The following UTP25 variants were observed in gnomAD, a reference collection of about 807,000 sequenced individuals.
UTP25 encodes U3 small nucleolar RNA-associated protein 25 homolog.
A neutral mutation model predicts 78.9 loss-of-function variants in UTP25; 50 were observed. The observed-to-expected ratio is 0.63, with a 90% CI of 0.50 to 0.80. The LOEUF is 0.80. UTP25 is among the 30% of genes least tolerant of loss of function. The pLI is 0.00. For missense variants in UTP25, 846 were observed against 911.3 expected, an observed-to-expected ratio of 0.93 and a Z score of 0.92; for synonymous variants, 329 against 336.5, an observed-to-expected ratio of 0.98 and a Z score of 0.24.
At chr1:209,845,607 A>G (rs556749458) in intron 11 of UTP25, among the ~76,000 whole-genome samples, 1 of 152,336 alleles carries the variant, frequency 6.6e-6, no homozygotes, top group South Asian at 2.1e-4. Context: ...AAGTCACGAT[A>G]AGGACAAATC....
At chr1:209,843,297 C>A in intron 10 of UTP25, 154 bp from the exon 11 acceptor site, 1 of 861,236 alleles carries the variant, frequency 1.2e-6, no homozygotes, top group Non-Finnish European at 1.7e-6. Context: ...AAGTTTTATC[C>A]TTACATAATC....
intron 10 of UTP25, 142 bp from the exon 11 acceptor site, chr1:209,843,309 C>T: frequency 1.0e-6 from 1 of 955,134 alleles, no homozygotes; most frequent in Non-Finnish European, 1.5e-6. Flanking sequence ...TACATAATCT[C>T]TTTGAGAGGA....
chr1:209,848,392 A>G (rs995557112), intron 11 of UTP25, among the ~76,000 whole-genome samples: 1 of 152,208 alleles, frequency 6.6e-6, no homozygotes, highest in Non-Finnish European at 1.5e-5. Flanking sequence ...TGAGGTAAAC[A>G]TCACATTGTT....
Position 209,851,350 on chromosome 1 carries a change from A to G in UTP25, c.2174A>G (p.Asp725Gly). 2 of 1,614,200 alleles carry G rather than the reference A, an allele frequency of 1.2e-6. No homozygotes were observed. Among genetic ancestry groups the G allele is most frequent in the Non-Finnish European group, 1.7e-6 (2 of 1,180,020 alleles). Residue 725 changes from aspartate (D) to glycine (G), a missense_variant, in exon 12 of 12, where the codon GAT becomes GGT. Transcript: ENST00000491415. Reference sequence around the variant, plus strand: ...TGCACTGTTCTCTACTCCAAATATGATGCCCAGAGGTTAGCTGCCGTGGTT... The same window carrying G: ...TGCACTGTTCTCTACTCCAAATATGGTGCCCAGAGGTTAGCTGCCGTGGTT... ...WTCTVLYSKYDAQRLAAVVGV... is the reference protein window; with the variant it reads ...WTCTVLYSKYGAQRLAAVVGV...
intron 11 of UTP25, among the ~76,000 whole-genome samples, chr1:209,850,453 A>T (rs541423038): frequency 2.0e-4 from 31 of 152,340 alleles, no homozygotes; most frequent in Non-Finnish European, 3.2e-4. Context: ...TCTTCAGTGT[A>T]TGAGAGAAAC....
chr1:209,828,083 G>GGAGCCA lies in UTP25; in HGVS notation c.28_33dup (p.Ser10_Gln11dup). 2 of 1,614,146 alleles carry GGAGCCA rather than the reference G, an allele frequency of 1.2e-6. No homozygotes were observed. Among genetic ancestry groups the GGAGCCA allele is most frequent in the Admixed American group, 3.3e-5 (2 of 60,026 alleles). ...TTCGCTATGGGCAAACGCGGGAGCC[G>GGAGCCA]GAGCCAGAGCCAGCTACTCAACACC... On this transcript the variant is annotated inframe_insertion, in exon 1 of 12. Transcript: ENST00000491415.
rs1378007010 is a variant in UTP25, at chr1:209,853,640, G to A, written c.*2193G>A. The A allele has an allele frequency of 6.6e-6, 1 of 152,252 alleles. No individual in the cohort carries two copies. Among genetic ancestry groups the A allele is most frequent in the East Asian group, 1.9e-4 (1 of 5,190 alleles). 9.4% of individuals were successfully genotyped at this position (152,252 alleles called of 1,614,324 possible). ...CCCAAAGTGCTGGGGTTACAGGCCT[G>A]AGCCGCCACGCCTGGCCAATTACCT... On this transcript the variant is annotated 3_prime_UTR_variant, in exon 12 of 12. Transcript: ENST00000491415.
chr1:209,842,504 C>G, intron 9 of UTP25, 57 bp downstream of exon 9: 2 of 1,611,682 alleles, frequency 1.2e-6, no homozygotes, highest in South Asian at 2.2e-5. Context: ...TTGTTTGGGT[C>G]CTGAGGTAGA....
chr1:209,847,999 C>T (rs2078208319), intron 11 of UTP25, among the ~76,000 whole-genome samples: 1 of 152,196 alleles, frequency 6.6e-6, no homozygotes, highest in Admixed American at 6.5e-5. Flanking sequence ...GTATGTCTCA[C>T]AGTCTGGATT....
At chr1:209,843,946 G>A (rs2078181605) in intron 11 of UTP25, 14 of 512,064 alleles carry the variant, frequency 2.7e-5, no homozygotes, top group Admixed American at 2.4e-4. Context: ...GACCTGGCAT[G>A]TAGCTGTGGT....
At chr1:209,845,165 T>C (rs1022775517) in intron 11 of UTP25, among the ~76,000 whole-genome samples, 1 of 152,236 alleles carries the variant, frequency 6.6e-6, no homozygotes, top group African/African-American at 2.4e-5. Context: ...AAAGCTGGCA[T>C]GGCATGACCT....
Position 209,855,411 on chromosome 1 carries a change from C to T in UTP25, c.*3964C>T, listed in dbSNP as rs750152925. The T allele has an allele frequency of 1.3e-5, 2 of 152,228 alleles. No homozygotes were observed. Among genetic ancestry groups the T allele is most frequent in the African/African-American group, 4.8e-5 (2 of 41,428 alleles). The allele number at this position is 152,228 out of a possible 1,614,324, so 9.4% of individuals were successfully genotyped here. ...ACCTCTGGTCACGTTGCCATTATTCCTATGGTAGATAAAGGGGATGAGAAA... is the reference window on the plus strand; with the variant it reads ...ACCTCTGGTCACGTTGCCATTATTCTTATGGTAGATAAAGGGGATGAGAAA... On this transcript the variant is annotated 3_prime_UTR_variant, in exon 12 of 12. Coordinates refer to ENST00000491415, the MANE Select transcript of UTP25 (RefSeq NM_014388.7).
At chr1:209,850,157 A>G (rs747359458) in intron 11 of UTP25, among the ~76,000 whole-genome samples, 12 of 152,344 alleles carry the variant, frequency 7.9e-5, no homozygotes, top group Admixed American at 5.2e-4. Flanking sequence ...ACTTTTTCTT[A>G]TTGGTATAGG....
chr1:209,848,040 G>C (rs1301019603), intron 11 of UTP25, among the ~76,000 whole-genome samples: 2 of 152,168 alleles, frequency 1.3e-5, no homozygotes, highest in African/African-American at 2.4e-5. Context: ...ATTTAGATCA[G>C]TGGTTCTCAA....
rs1473708375 is a variant in UTP25, at chr1:209,842,692, C to T, written c.1778C>T (p.Ala593Val). The change falls in exon 10 of 12, where the codon GCC (alanine) becomes GTC (valine). Residue 593 changes from alanine to valine, a missense_variant. Transcript: ENST00000491415. ...GAAAACCTAGCTTCAGTGATTGATGCCAGGTAACCCACTCCTCCCAGCAGG... is the reference window on the plus strand; with the variant it reads ...GAAAACCTAGCTTCAGTGATTGATGTCAGGTAACCCACTCCTCCCAGCAGG... ...EAENLASVIDARFNFFVNKIL... is the reference protein window; with the variant it reads ...EAENLASVIDVRFNFFVNKIL... 2 of 1,608,268 alleles carry T rather than the reference C, an allele frequency of 1.2e-6. No individual in the cohort carries two copies. Among genetic ancestry groups the T allele is most frequent in the South Asian group, 2.2e-5 (2 of 89,854 alleles).
At position 209,830,914 on chromosome 1, in the gene UTP25, G is replaced by T; in HGVS notation, c.259G>T (p.Glu87Ter). 6.2e-7 allele frequency: 1 copy of T among 1,613,912 alleles called. No individual in the cohort carries two copies. The highest frequency in any genetic ancestry group is 8.5e-7 in the Non-Finnish European group (1 of 1,179,792). The part of the protein sequence containing the change: ...ATLKNVSEEE[E>*]EDEEEEEEED... ...ATTAAAGAATGTTTCTGAGGAAGAA[G>T]AGGAAGATGAGGAGGAGGAAGAGGA... Residue 87 changes from glutamate to a stop codon, truncating the protein, a stop_gained, in exon 3 of 12, where the codon GAG (glutamate) becomes TAG (stop). Coordinates refer to ENST00000491415, the MANE Select transcript of UTP25 (RefSeq NM_014388.7). LOFTEE classifies it high-confidence loss of function.
At chr1:209,829,413 G>A (rs1180497887) in intron 1 of UTP25, among the ~76,000 whole-genome samples, 1 of 152,108 alleles carries the variant, frequency 6.6e-6, no homozygotes, top group Non-Finnish European at 1.5e-5. Context: ...GTGCAGTTAT[G>A]ATCTCAATGC....
In UTP25 at chr1:209,855,071, TAC is replaced by T. The variant is rs1351631653; in HGVS notation, c.*3628_*3629del. On this transcript the variant is annotated 3_prime_UTR_variant, in exon 12 of 12. Transcript: ENST00000491415. The stretch of plus-strand genomic sequence containing the variant: ...TTAGAGTCAATGAATGGGGAGTAAA[TAC>T]ACAGATAATCCAAAATTGATGTAAG... The T allele has an allele frequency of 2.0e-5, 3 of 152,296 alleles. No individual in the cohort carries two copies. Among genetic ancestry groups the T allele is most frequent in the East Asian group, 1.9e-4 (1 of 5,188 alleles). The allele number at this position is 152,296 out of a possible 1,614,324, so 9.4% of individuals were successfully genotyped here. A position where few individuals can be genotyped will look rare whatever the true frequency, so the allele number is the denominator to read the frequency against.
intron 11 of UTP25, chr1:209,844,354 G>A (rs2078183505): frequency 6.6e-6 from 1 of 152,252 alleles, no homozygotes; most frequent in African/African-American, 2.4e-5. Context: ...ACTCAGGCCA[G>A]GTGCAGTGGC....
Sources: allele counts gnomAD v4.1 joint callset (sites outside exome capture counted in the v4.1 genomes callset), GRCh38; gene constraint gnomAD v4.1.1; transcripts MANE v1.5; gene names NCBI Gene and HGNC (gene_info 2026-07-23, HGNC 2026-07-21).